XIST: variants seen among roughly 807,000 people sequenced by gnomAD.
XIST encodes the protein X inactive specific transcript.
rs780532376 is a variant in XIST at position 73,822,187 on chromosome X, A to C, written n.17714T>G. 176 of 557,166 alleles carry C rather than the reference A, an allele frequency of 3.2e-4. 1 individual carries two copies. In the East Asian group the frequency reaches 5.6e-3, roughly 18 times the overall value. 45.9% of individuals were successfully genotyped at this position (557,166 alleles called of 1,213,427 possible). On this transcript the variant is annotated non_coding_transcript_exon_variant, in exon 6 of 6. Transcript: ENST00000429829. The stretch of plus-strand genomic sequence containing the variant: ...GTCATCATCCCTCCTGCTGCCCAGC[A>C]GTGGTCAGTCATTTTTCATGAGGGA...
chrX:73,843,718 G>A lies in XIST; in HGVS notation n.9006C>T, dbSNP rs1052965750. 5 of 556,925 alleles carry A rather than the reference G, an allele frequency of 9.0e-6. No individual in the cohort carries two copies. The African/African-American group carries it at 1.1e-4, about 12-fold the overall frequency. 45.9% of individuals were successfully genotyped at this position (556,925 alleles called of 1,213,427 possible). A position where few individuals can be genotyped will look rare whatever the true frequency, so the allele number is the denominator to read the frequency against. On this transcript the variant is annotated non_coding_transcript_exon_variant, in exon 1 of 6. Coordinates refer to ENST00000429829, the Ensembl canonical transcript of XIST. ...GAGTTTGTGCACATGAACATTCCAA[G>A]TGACAGTCTTGAGTAGTGGGCACTA...
At chrX:73,824,469 A>G (rs779084518) in exon 6 of XIST, 1 of 557,822 alleles carries the variant, frequency 1.8e-6, no homozygotes, top group African/African-American at 2.2e-5. Flanking sequence ...ATGAAATATG[A>G]TAAATTTTCA....
exon 6 of XIST, chrX:73,823,578 C>T (rs899652197): frequency 3.6e-6 from 2 of 556,121 alleles, no homozygotes; most frequent in Middle Eastern, 3.1e-4. Flanking sequence ...TATTTTTACT[C>T]CTTTACTTCT....
chrX:73,827,953 A>G (rs1309697004), exon 6 of XIST: 1 of 517,443 alleles, frequency 1.9e-6, no homozygotes, highest in Admixed American at 2.6e-5. Flanking sequence ...CAAAGAGCAA[A>G]GACAAGAAAG....
exon 1 of XIST, chrX:73,850,104 C>T (rs763075957): frequency 5.4e-6 from 3 of 558,872 alleles, no homozygotes. Context: ...CAAAGCAAGG[C>T]CTGGACCTGT....
exon 1 of XIST, chrX:73,848,979 AG>A (rs779091682): frequency 3.6e-6 from 2 of 557,006 alleles, no homozygotes; most frequent in African/African-American, 4.5e-5. Flanking sequence ...TTCCAAGGGA[AG>A]GGGCTCTAAG....
In XIST at chrX:73,828,884, A is replaced by G. The variant is rs902607590; in HGVS notation, n.11916+184T>C. 1.8e-5 allele frequency: 7 copies of G among 382,240 alleles called. No individual in the cohort carries two copies. In the Admixed American group the frequency reaches 2.2e-4, roughly 12 times the overall value. The allele number at this position is 382,240 out of a possible 1,213,427, so 31.5% of individuals were successfully genotyped here. ...CTGTGATACAACTGGTAAGAAGACCATAATGTCTTTGAGTTGCTTCAGTGA... is the reference window on the plus strand; with the variant it reads ...CTGTGATACAACTGGTAAGAAGACCGTAATGTCTTTGAGTTGCTTCAGTGA... On this transcript the variant is annotated intron_variant and non_coding_transcript_variant, in intron 5 of 5. Coordinates refer to ENST00000429829, the Ensembl canonical transcript of XIST.
exon 6 of XIST, chrX:73,824,103 T>TG: frequency 1.8e-6 from 1 of 547,908 alleles, no homozygotes; most frequent in Non-Finnish European, 3.3e-6. Flanking sequence ...AGCTTATATA[T>TG]GGGTGGCAGT....
intron 2 of XIST, chrX:73,833,442 ACCCC>A: frequency 8.3e-6 from 4 of 484,519 alleles, no homozygotes; most frequent in Admixed American, 5.8e-5. Flanking sequence ...AGTTACAAAA[ACCCC>A]AATGAAAAAA....
At chrX:73,826,032 C>T in exon 6 of XIST, 2 of 558,874 alleles carry the variant, frequency 3.6e-6, no homozygotes, top group South Asian at 4.4e-5. Context: ...CAGGCTGTCC[C>T]CTTGGGACCT....
chrX:73,826,883 T>C (rs1037284351), exon 6 of XIST: 9 of 556,708 alleles, frequency 1.6e-5, no homozygotes, highest in East Asian at 6.5e-5. Flanking sequence ...AGGCCTTCCA[T>C]GTGTCCTGTC....
chrX:73,842,181 TTAA>T (rs1922608316), exon 1 of XIST: 2 of 510,735 alleles, frequency 3.9e-6, no homozygotes, highest in Admixed American at 5.4e-5. Context: ...AAAAATTTTT[TTAA>T]TAATAATAAG....
At chrX:73,845,126 G>A (rs1278032592) in exon 1 of XIST, 5 of 552,264 alleles carry the variant, frequency 9.1e-6, no homozygotes, top group African/African-American at 2.3e-5. Context: ...TGTCCAAGGT[G>A]CATGGTTGTG....
intron 2 of XIST, chrX:73,833,563 C>T (rs1922426005): frequency 3.4e-6 from 1 of 292,565 alleles, no homozygotes; most frequent in South Asian, 1.5e-4. Context: ...TGGCAGTACA[C>T]GGGAAGATTA....
At chrX:73,828,706 G>A (rs989521106) in intron 5 of XIST, 13 of 122,221 alleles carry the variant, frequency 1.1e-4, no homozygotes, top group African/African-American at 2.2e-4. Flanking sequence ...CTTAACTGAC[G>A]ACAGAGTCTC....
chrX:73,843,085 T>TG (rs1922638761), exon 1 of XIST: 1 of 554,911 alleles, frequency 1.8e-6, no homozygotes, highest in Non-Finnish European at 3.2e-6. Flanking sequence ...AAACTAAGGG[T>TG]GGGGTGGGGC....
At chrX:73,831,434 A>C in intron 3 of XIST, 1 of 337,647 alleles carries the variant, frequency 3.0e-6, no homozygotes, top group East Asian at 4.2e-5. Flanking sequence ...TATTCTGGCT[A>C]CCAACTTAGC....
At chrX:73,851,590 C>T (rs1922943910) in exon 1 of XIST, 1 of 557,291 alleles carries the variant, frequency 1.8e-6, no homozygotes, top group African/African-American at 2.2e-5. Context: ...CTTTCCTAAC[C>T]TTCCATTTTT....
exon 6 of XIST, chrX:73,825,051 A>G (rs1305121169): frequency 1.6e-5 from 8 of 513,154 alleles, no homozygotes; most frequent in Non-Finnish European, 2.4e-5. Flanking sequence ...GCACTTTAAT[A>G]TGCACCTTTC....
Sources: allele counts gnomAD v4.1 joint callset, GRCh38; gene constraint gnomAD v4.1.1; transcripts MANE v1.5; gene names NCBI Gene and HGNC (gene_info 2026-07-23, HGNC 2026-07-21).